PCNX1: variants seen among roughly 807,000 people sequenced by gnomAD.
PCNX1 encodes pecanex-like protein 1.
PCNX1 carries 78 observed loss-of-function variants against 242.2 expected under a neutral mutation model. The ratio of observed to expected loss-of-function variants is 0.32; its 90% CI spans 0.27 to 0.39. PCNX1 has a LOEUF of 0.39. Ranked by LOEUF, PCNX1 falls within the 10% of genes least tolerant of loss-of-function variation. PCNX1 has a pLI of 1.00. For synonymous variants in PCNX1, 1,024 were observed against 1,032.9 expected (o/e 0.99, Z 0.17); for missense variants, 2,581 against 2,856.5 (o/e 0.90, Z 2.20).
chr14:71,108,523 A>G (rs747272950), intron 33 of PCNX1, 81 bp from the exon 34 acceptor site: 34 of 1,139,650 alleles, frequency 3.0e-5, no homozygotes, highest in Non-Finnish European at 4.0e-5. Context: ...GCTTAGGGGA[A>G]AAAGTCTTAG....
chr14:70,981,193 C>A (rs1446355713), intron 6 of PCNX1, among the ~76,000 whole-genome samples: 1 of 152,072 alleles, frequency 6.6e-6, no homozygotes, highest in African/African-American at 2.4e-5. Flanking sequence ...GAGTTAAGTT[C>A]CTGGCACACA....
At chr14:71,010,508 T>C (rs766602778) in intron 9 of PCNX1, among the ~76,000 whole-genome samples, 9 of 152,120 alleles carry the variant, frequency 5.9e-5, no homozygotes, top group African/African-American at 1.7e-4. Flanking sequence ...TTAGCTTCTT[T>C]TATCCCCCCA....
chr14:70,999,295 A>G (rs2059438551), intron 8 of PCNX1, among the ~76,000 whole-genome samples: 2 of 152,182 alleles, frequency 1.3e-5, no homozygotes, highest in Non-Finnish European at 2.9e-5. Context: ...CTCAAACAAA[A>G]TGTTCTAGAT....
chr14:71,008,193 G>T (rs919653166), intron 8 of PCNX1, among the ~76,000 whole-genome samples: 11 of 152,018 alleles, frequency 7.2e-5, no homozygotes, highest in African/African-American at 2.4e-4. Context: ...ATGAAGTAAT[G>T]CTTGAGATGT....
intron 30 of PCNX1, among the ~76,000 whole-genome samples, chr14:71,090,217 T>C (rs552772886): frequency 7.9e-5 from 12 of 152,296 alleles, no homozygotes; most frequent in African/African-American, 2.6e-4. Context: ...AACATTAAAG[T>C]GAGGCCCCAC....
At chr14:71,080,270 C>T (rs1260025014) in intron 28 of PCNX1, among the ~76,000 whole-genome samples, 1 of 152,208 alleles carries the variant, frequency 6.6e-6, no homozygotes, top group Non-Finnish European at 1.5e-5. Context: ...GTTTTGATTA[C>T]TGTAGCCTTG....
At chr14:71,060,513 G>T (rs2061300935) in intron 26 of PCNX1, among the ~76,000 whole-genome samples, 1 of 152,038 alleles carries the variant, frequency 6.6e-6, no homozygotes, top group Non-Finnish European at 1.5e-5. Flanking sequence ...TCGATTTTAT[G>T]GCCCCTACAT....
intron 11 of PCNX1, among the ~76,000 whole-genome samples, chr14:71,013,505 G>C (rs2059878025): frequency 6.6e-6 from 1 of 151,874 alleles, no homozygotes; most frequent in Non-Finnish European, 1.5e-5. Flanking sequence ...TTAAGTTATA[G>C]GTAATATGAT....
chr14:71,080,409 G>A (rs1336289380), intron 28 of PCNX1, among the ~76,000 whole-genome samples: 2 of 152,178 alleles, frequency 1.3e-5, no homozygotes, highest in South Asian at 2.1e-4. Context: ...ATTCTTAGAA[G>A]CAAGTCTGTG....
intron 29 of PCNX1, 111 bp from the exon 30 acceptor site, chr14:71,089,081 C>G: frequency 1.3e-6 from 1 of 785,048 alleles, no homozygotes; most frequent in Non-Finnish European, 2.0e-6. Flanking sequence ...TTCCTGGAAT[C>G]TGTATTTTCA....
chr14:71,080,176 T>C (rs2061818697), intron 28 of PCNX1, among the ~76,000 whole-genome samples: 1 of 152,164 alleles, frequency 6.6e-6, no homozygotes, highest in South Asian at 2.1e-4. Context: ...AAAGATCAGA[T>C]GGTTGTAGAT....
intron 23 of PCNX1, among the ~76,000 whole-genome samples, chr14:71,051,321 A>G (rs1395699264): frequency 6.6e-6 from 1 of 152,158 alleles, no homozygotes; most frequent in Non-Finnish European, 1.5e-5. Context: ...ATGCTGATTT[A>G]AAATCTTACA....
At chr14:70,914,554 A>G (rs1305210746) in intron 1 of PCNX1, among the ~76,000 whole-genome samples, 1 of 152,194 alleles carries the variant, frequency 6.6e-6, no homozygotes, top group East Asian at 1.9e-4. Context: ...GAATACACAG[A>G]TTCAGTCAGG....
intron 1 of PCNX1, among the ~76,000 whole-genome samples, chr14:70,927,821 C>G (rs139072564): frequency 1.1e-4 from 17 of 152,186 alleles, no homozygotes; most frequent in Admixed American, 2.6e-4. Flanking sequence ...CTCATGACCT[C>G]AAGTGATCCT....
intron 23 of PCNX1, 89 bp from the exon 24 acceptor site, chr14:71,051,794 A>C: frequency 2.3e-6 from 3 of 1,283,356 alleles, no homozygotes; most frequent in South Asian, 2.8e-5. Flanking sequence ...AATTGAGGTA[A>C]TCTAAATGTG....
At chr14:71,033,314 A>T (rs2060442104) in intron 16 of PCNX1, 115 bp from the exon 17 acceptor site, 1 of 577,594 alleles carries the variant, frequency 1.7e-6, no homozygotes, top group Non-Finnish European at 3.0e-6. Flanking sequence ...AACGTGGCTA[A>T]AAACTTTTGT....
At position 70,978,078 on chromosome 14, in the gene PCNX1, G is replaced by A. The variant is rs1236599476; in HGVS notation, c.1741G>A (p.Val581Ile). The change falls in exon 6 of 36, where the codon GTT becomes ATT. Residue 581 changes from valine to isoleucine, a missense_variant. Val to Ile is a conservative substitution (Grantham distance 29, BLOSUM62 3). This residue lies in a region of PCNX1 where 1,204 missense variants were observed against 1,216.7 expected (regional missense o/e 0.99). Coordinates refer to ENST00000304743, the MANE Select transcript of PCNX1 (RefSeq NM_014982.3). ...SFDSSRHRDYVCFRGVSGTKP... is the reference protein window; with the variant it reads ...SFDSSRHRDYICFRGVSGTKP... ...TGATTCAAGCCGGCATAGGGACTAT[G>A]TTTGCTTTCGAGGTGTTTCTGGTAC... 4 of 1,614,148 alleles carry A rather than the reference G, an allele frequency of 2.5e-6. No individual in the cohort carries two copies. Among genetic ancestry groups the A allele is most frequent in the Non-Finnish European group, 3.4e-6 (4 of 1,180,030 alleles).
chr14:70,929,840 G>A (rs1439281945), intron 1 of PCNX1, among the ~76,000 whole-genome samples: 1 of 151,948 alleles, frequency 6.6e-6, no homozygotes, highest in Non-Finnish European at 1.5e-5. Context: ...TGAATAAATT[G>A]GACAAAATCA....
At chr14:71,098,323 TG>T (rs1467839985) in intron 30 of PCNX1, among the ~76,000 whole-genome samples, 1 of 152,178 alleles carries the variant, frequency 6.6e-6, no homozygotes, top group African/African-American at 2.4e-5. Context: ...AAAAATACAT[TG>T]GTAGCTTGAT....
Sources: allele counts gnomAD v4.1 joint callset (sites outside exome capture counted in the v4.1 genomes callset), GRCh38; gene constraint gnomAD v4.1.1; regional missense constraint gnomAD v4.1.1; transcripts MANE v1.5; gene names NCBI Gene and HGNC (gene_info 2026-07-23, HGNC 2026-07-21).